Variants in FAM78B observed in about 807,000 individuals in gnomAD.
FAM78B encodes the protein family with sequence similarity 78 member B, also known as protein FAM78B.
FAM78B carries 10 observed loss-of-function variants against 20.0 expected under a neutral mutation model. The ratio of observed to expected loss-of-function variants is 0.50; its 90% CI spans 0.31 to 0.85. The LOEUF (loss-of-function observed/expected upper bound fraction) is 0.85. Among genes scored for constraint, FAM78B ranks in the 40% least tolerant of loss-of-function variants. The probability of loss-of-function intolerance (pLI) is 0.05; values close to 1 mark genes in which losing one functional copy is unlikely to be tolerated. For synonymous variants in FAM78B, 135 were observed against 132.8 expected, an observed-to-expected ratio of 1.02 and a Z score of -0.12; for missense variants, 283 against 345.0, an observed-to-expected ratio of 0.82 and a Z score of 1.42.
intron 1 of FAM78B, among the ~76,000 whole-genome samples, chr1:166,093,729 A>G (rs1323441922): frequency 6.6e-6 from 1 of 152,202 alleles, no homozygotes; most frequent in Non-Finnish European, 1.5e-5. Flanking sequence ...AATAGCAGAC[A>G]AGCAGGTCAC....
intron 1 of FAM78B, among the ~76,000 whole-genome samples, chr1:166,072,565 G>T (rs975984911): frequency 2.0e-5 from 3 of 152,214 alleles, no homozygotes; most frequent in African/African-American, 7.2e-5. Flanking sequence ...GTTGTGCAGA[G>T]ATCCAATCTG....
chr1:166,100,945 T>C (rs560304847), intron 1 of FAM78B, among the ~76,000 whole-genome samples: 4 of 152,300 alleles, frequency 2.6e-5, no homozygotes, highest in South Asian at 4.1e-4. Context: ...GCACCCCCAG[T>C]AGGGGCAAAC....
chr1:166,164,586 T>C (rs983895894), intron 1 of FAM78B, among the ~76,000 whole-genome samples: 3 of 152,192 alleles, frequency 2.0e-5, no homozygotes, highest in African/African-American at 7.2e-5. Context: ...GATTAAGCTT[T>C]TGTGCTTAAA....
chr1:166,075,029 G>C (rs1017787664), intron 1 of FAM78B, among the ~76,000 whole-genome samples: 21 of 152,356 alleles, frequency 1.4e-4, no homozygotes, highest in Non-Finnish European at 1.5e-5. Context: ...CCAGGAAACA[G>C]AGAACACTGG....
At chr1:166,077,433 T>C (rs1652316731) in intron 1 of FAM78B, among the ~76,000 whole-genome samples, 1 of 151,998 alleles carries the variant, frequency 6.6e-6, no homozygotes, top group Non-Finnish European at 1.5e-5. Flanking sequence ...CACAGCTAAA[T>C]ACTTTCATGT....
chr1:166,119,065 TAGG>T (rs1274942710), intron 1 of FAM78B, among the ~76,000 whole-genome samples: 1 of 151,768 alleles, frequency 6.6e-6, no homozygotes, highest in Non-Finnish European at 1.5e-5. Flanking sequence ...CTACTCCAAG[TAGG>T]AGTAGGAGAG....
chr1:166,136,205 T>C (rs1655057489), intron 1 of FAM78B, among the ~76,000 whole-genome samples: 1 of 152,234 alleles, frequency 6.6e-6, no homozygotes, highest in African/African-American at 2.4e-5. Flanking sequence ...AACAAGACTG[T>C]ATGAATTCTG....
At chr1:166,143,066 T>C (rs936539812) in intron 1 of FAM78B, among the ~76,000 whole-genome samples, 14 of 152,216 alleles carry the variant, frequency 9.2e-5, no homozygotes, top group African/African-American at 3.4e-4. Flanking sequence ...GTTGGGCAAA[T>C]TAGGTAATTT....
At chr1:166,091,252 G>A (rs1653058069) in intron 1 of FAM78B, among the ~76,000 whole-genome samples, 1 of 152,152 alleles carries the variant, frequency 6.6e-6, no homozygotes, top group Admixed American at 6.5e-5. Context: ...GTCTGGTTGG[G>A]TTGGTGCAAG....
At chr1:166,126,837 T>C (rs1020999636) in intron 1 of FAM78B, among the ~76,000 whole-genome samples, 32 of 152,186 alleles carry the variant, frequency 2.1e-4, no homozygotes, top group Non-Finnish European at 2.9e-4. Flanking sequence ...TAACCAAGTA[T>C]TGGAGCTGGG....
At chr1:166,162,928 G>C (rs538393082) in intron 1 of FAM78B, among the ~76,000 whole-genome samples, 1 of 152,132 alleles carries the variant, frequency 6.6e-6, no homozygotes, top group Non-Finnish European at 1.5e-5. Context: ...CCATACCTCA[G>C]AGTTCACCTT....
intron 1 of FAM78B, among the ~76,000 whole-genome samples, chr1:166,110,486 A>T (rs1416185515): frequency 6.6e-6 from 1 of 152,180 alleles, no homozygotes; most frequent in South Asian, 2.1e-4. Context: ...TGAGGCCAAC[A>T]CAAGTGGTAA....
At chr1:166,090,328 G>A (rs1653017581) in intron 1 of FAM78B, among the ~76,000 whole-genome samples, 1 of 152,198 alleles carries the variant, frequency 6.6e-6, no homozygotes, top group Non-Finnish European at 1.5e-5. Flanking sequence ...ACAATCATCT[G>A]TCCACACACT....
chr1:166,093,664 A>C (rs1346379414), intron 1 of FAM78B, among the ~76,000 whole-genome samples: 2 of 152,212 alleles, frequency 1.3e-5, no homozygotes, highest in Non-Finnish European at 2.9e-5. Flanking sequence ...ATTTCAGGGC[A>C]ATTCTTTGCA....
chr1:166,109,890 G>GTATATATGTATGTATATATATA (rs1557903394), intron 1 of FAM78B, among the ~76,000 whole-genome samples: 3 of 23,198 alleles, frequency 1.3e-4, no homozygotes, highest in Non-Finnish European at 3.4e-4. Context: ...ATGTATATAT[G>GTATATATGTATGTATATATATA]TATATATATA....
intron 1 of FAM78B, among the ~76,000 whole-genome samples, chr1:166,118,643 T>A (rs963972992): frequency 6.6e-6 from 1 of 152,174 alleles, no homozygotes; most frequent in African/African-American, 2.4e-5. Flanking sequence ...GCTGAGTGGT[T>A]GCAAAAGAGA....
At chr1:166,129,354 G>A (rs777543701) in intron 1 of FAM78B, among the ~76,000 whole-genome samples, 26 of 152,316 alleles carry the variant, frequency 1.7e-4, no homozygotes, top group South Asian at 4.1e-4. Context: ...CAAAGCCCCA[G>A]GCTGAGTTGC....
chr1:166,085,354 C>T (rs1652784092), intron 1 of FAM78B, among the ~76,000 whole-genome samples: 1 of 152,140 alleles, frequency 6.6e-6, no homozygotes, highest in Admixed American at 6.5e-5. Flanking sequence ...CCATCCCTTC[C>T]CATCTGGACC....
At chr1:166,136,221 T>C (rs112884070) in intron 1 of FAM78B, among the ~76,000 whole-genome samples, 2,450 of 152,324 alleles carry the variant, frequency 0.016, 70 homozygotes, top group African/African-American at 0.056. Flanking sequence ...TTCTGATGCA[T>C]GGAGGGTGTC....
Sources: gnomAD v4.1 joint callset for allele counts (sites outside exome capture counted in the v4.1 genomes callset) on GRCh38, gnomAD v4.1.1 for gene constraint, MANE v1.5 for transcripts, NCBI Gene and HGNC (gene_info 2026-07-23, HGNC 2026-07-21) for gene names.